FUBP3: variants seen among roughly 807,000 people sequenced by gnomAD.
FUBP3 encodes far upstream element-binding protein 3.
A neutral mutation model predicts 85.6 loss-of-function variants in FUBP3; 28 were observed. That is an observed-to-expected ratio of 0.33 (90% CI 0.24 to 0.45). The LOEUF (loss-of-function observed/expected upper bound fraction) is 0.45, where lower values mean the gene tolerates loss of function less well. Among genes scored for constraint, FUBP3 ranks in the 20% least tolerant of loss-of-function variants. The probability of loss-of-function intolerance (pLI) is 1.00; values close to 1 mark genes in which losing one functional copy is unlikely to be tolerated. For missense variants in FUBP3, 583 were observed against 755.1 expected (o/e 0.77, Z 2.67); for synonymous variants, 271 against 271.4 (o/e 1.00, Z 0.01).
At position 130,618,235 on chromosome 9, in the gene FUBP3, A is replaced by G. The variant is rs1216004772; in HGVS notation, c.666+340A>G. ...ACATTTCCGAGCTCTTGCTGGTGGC[A>G]CGGCTCAGGACAGTTGGTTTTTTGT... is the stretch of plus-strand genomic sequence containing the variant. On this transcript the variant is annotated intron_variant, in intron 8 of 18. Transcript: ENST00000319725. Among the ~76,000 whole-genome samples, 3 of 152,314 alleles carry G rather than the reference A, an allele frequency of 2.0e-5. No individual in the cohort carries two copies. In the East Asian group the frequency reaches 5.8e-4, roughly 29 times the overall value.
chr9:130,589,693 ATATATATATATATTTTTT>A (rs1387946055), intron 1 of FUBP3, among the ~76,000 whole-genome samples: 2 of 29,830 alleles, frequency 6.7e-5, no homozygotes, highest in Admixed American at 9.6e-4. Context: ...ATATATATAT[ATATATATATATATTTTTT>A]TTTTTTTTTT....
At chr9:130,620,518 C>A in intron 9 of FUBP3, 60 bp downstream of exon 9, 1 of 788,300 alleles carries the variant, frequency 1.3e-6, no homozygotes, top group Non-Finnish European at 2.1e-6. Flanking sequence ...GTAGGTCACA[C>A]TTTTGTTAGC....
chr9:130,628,134 C>T (rs1425143071), intron 12 of FUBP3, among the ~76,000 whole-genome samples: 2 of 151,076 alleles, frequency 1.3e-5, no homozygotes, highest in East Asian at 4.1e-4. Context: ...ACACCCCCTA[C>T]CCCTCAGGGC....
chr9:130,628,042 T>C (rs1564222723), intron 12 of FUBP3, among the ~76,000 whole-genome samples: 1 of 152,000 alleles, frequency 6.6e-6, no homozygotes, highest in Non-Finnish European at 1.5e-5. Context: ...GTCTCGGATA[T>C]GGGAGGGTCT....
At chr9:130,628,126 A>ACC (rs374884849) in intron 12 of FUBP3, among the ~76,000 whole-genome samples, 18 of 137,878 alleles carry the variant, frequency 1.3e-4, no homozygotes, top group African/African-American at 4.1e-4. Context: ...ACACACACAC[A>ACC]CCCCCTACCC....
intron 2 of FUBP3, among the ~76,000 whole-genome samples, chr9:130,599,062 G>A (rs923844975): frequency 1.3e-5 from 2 of 152,194 alleles, no homozygotes; most frequent in African/African-American, 4.8e-5. Context: ...GGAGGCCAAG[G>A]CAGGCAAATC....
At chr9:130,628,723 C>G (rs866026856) in intron 12 of FUBP3, among the ~76,000 whole-genome samples, 2 of 152,108 alleles carry the variant, frequency 1.3e-5, no homozygotes, top group Non-Finnish European at 2.9e-5. Flanking sequence ...TCGAGTCTTA[C>G]GTGTGCCTGT....
chr9:130,599,338 TA>T (rs1396959429), intron 2 of FUBP3, among the ~76,000 whole-genome samples: 2 of 138,238 alleles, frequency 1.4e-5, no homozygotes, highest in Non-Finnish European at 3.0e-5. Flanking sequence ...TACACACATA[TA>T]TACACATATA....
intron 2 of FUBP3, among the ~76,000 whole-genome samples, chr9:130,605,520 G>T (rs552083804): frequency 6.6e-6 from 1 of 152,232 alleles, no homozygotes; most frequent in African/African-American, 2.4e-5. Flanking sequence ...CAGTGTGATC[G>T]CACCTTCCTC....
chr9:130,631,808 G>A (rs535698542), intron 14 of FUBP3, 134 bp from the exon 15 acceptor site: 114 of 827,748 alleles, frequency 1.4e-4, no homozygotes, highest in Middle Eastern at 7.4e-4. Context: ...TGACCTCAGC[G>A]ATGGGGTGGG....
chr9:130,633,742 C>T (rs904027873), intron 16 of FUBP3, among the ~76,000 whole-genome samples: 54 of 152,230 alleles, frequency 3.5e-4, no homozygotes, highest in African/African-American at 1.2e-3. Context: ...TTTCGCCCTG[C>T]CCCTGTGGGA....
At chr9:130,595,620 G>T in intron 2 of FUBP3, 32 bp downstream of exon 2, 1 of 957,722 alleles carries the variant, frequency 1.0e-6, no homozygotes, top group Non-Finnish European at 1.7e-6. Flanking sequence ...TGCCTTTCAG[G>T]TGGTAGTGAA....
rs560502806 is a variant in FUBP3, at chr9:130,608,819, T to C, written c.191-1135T>C. On this transcript the variant is annotated intron_variant, in intron 2 of 18. Transcript: ENST00000319725. The stretch of plus-strand genomic sequence containing the variant: ...CTTTGCTTTTTCTTCTTTTTAAATG[T>C]CACGGTCTGCTTTTTTTCCTTTGTC... 2.0e-5 allele frequency among the ~76,000 whole-genome samples: 3 copies of C among 152,342 alleles called. No individual in the cohort carries two copies. In the East Asian group the frequency reaches 5.8e-4, roughly 29 times the overall value.
chr9:130,628,390 A>G (rs1183442825), intron 12 of FUBP3, among the ~76,000 whole-genome samples: 1 of 152,240 alleles, frequency 6.6e-6, no homozygotes, highest in African/African-American at 2.4e-5. Context: ...CCAGGGGGCC[A>G]CTGGTGGGGC....
intron 2 of FUBP3, among the ~76,000 whole-genome samples, chr9:130,599,241 A>G (rs1831015432): frequency 6.6e-6 from 1 of 151,894 alleles, no homozygotes; most frequent in African/African-American, 2.4e-5. Flanking sequence ...GCAGTGAGCC[A>G]AGATCGCACC....
At chr9:130,617,157 A>T (rs28476634) in intron 7 of FUBP3, among the ~76,000 whole-genome samples, 57,283 of 152,110 alleles carry the variant, frequency 0.38, 13,264 homozygotes, top group African/African-American at 0.66. Context: ...TTTCTGTAGC[A>T]AAATAGAATA....
chr9:130,637,532 A>T lies in FUBP3; in HGVS notation c.*510A>T, dbSNP rs529850585. On this transcript the variant is annotated 3_prime_UTR_variant, in exon 19 of 19. Transcript: ENST00000319725. ...GGCTGTCTGGTTTTATTGCATTTTTAAAAAAACTGAACTATTATGTATTGT... is the reference window on the plus strand; with the variant it reads ...GGCTGTCTGGTTTTATTGCATTTTTTAAAAAACTGAACTATTATGTATTGT... 1.3e-3 allele frequency: 205 copies of T among 153,840 alleles called. 1 individual carries two copies. Among genetic ancestry groups the T allele is most frequent in the African/African-American group, 3.9e-3 (161 of 40,796 alleles). The allele number at this position is 153,840 out of a possible 1,614,324, so 9.5% of individuals were successfully genotyped here.
chr9:130,592,957 CCAGTGTGAA>C (rs1830702529), intron 1 of FUBP3, among the ~76,000 whole-genome samples: 1 of 152,128 alleles, frequency 6.6e-6, no homozygotes, highest in Non-Finnish European at 1.5e-5. Context: ...CTGAAAGGGT[CCAGTGTGAA>C]CTACCCACCT....
chr9:130,589,696 TATATA>T (rs1830518413), intron 1 of FUBP3, among the ~76,000 whole-genome samples: 1 of 32,928 alleles, frequency 3.0e-5, no homozygotes, highest in African/African-American at 1.2e-4. Flanking sequence ...TATATATATA[TATATA>T]TATATTTTTT....
Sources: gnomAD v4.1 joint callset for allele counts (sites outside exome capture counted in the v4.1 genomes callset) on GRCh38, gnomAD v4.1.1 for gene constraint, MANE v1.5 for transcripts, NCBI Gene and HGNC (gene_info 2026-07-23, HGNC 2026-07-21) for gene names.